The following ANO4 variants were observed in gnomAD, a reference collection of about 807,000 sequenced individuals.
ANO4 encodes anoctamin-4.
Under a neutral mutation model 141.9 loss-of-function variants are expected in ANO4, and 69 were observed. That is an observed-to-expected ratio of 0.49 (90% CI 0.40 to 0.59). ANO4 has a LOEUF of 0.59. Among genes scored for constraint, ANO4 ranks in the 20% least tolerant of loss-of-function variants. The pLI is 0.00. For missense variants in ANO4, 894 were observed against 1,162.2 expected (o/e 0.77, Z 3.36); for synonymous variants, 350 against 394.3 (o/e 0.89, Z 1.33).
intron 14 of ANO4, among the ~76,000 whole-genome samples, chr12:101,074,483 C>G (rs1293077290): frequency 6.6e-6 from 1 of 152,208 alleles, no homozygotes; most frequent in Non-Finnish European, 1.5e-5. Flanking sequence ...GAGAACTATC[C>G]TTTGGTCACA....
intron 25 of ANO4, among the ~76,000 whole-genome samples, chr12:101,118,467 A>C (rs1370177721): frequency 6.6e-6 from 1 of 152,218 alleles, no homozygotes; most frequent in Non-Finnish European, 1.5e-5. Context: ...TTTCTAATTA[A>C]AATCATGTAA....
chr12:100,739,198 C>G (rs1008916774), intron 2 of ANO4, among the ~76,000 whole-genome samples: 3 of 150,400 alleles, frequency 2.0e-5, no homozygotes, highest in Non-Finnish European at 4.4e-5. Flanking sequence ...TAAGTGAGAT[C>G]ATAAACTTAT....
intron 1 of ANO4, among the ~76,000 whole-genome samples, chr12:100,816,950 T>C (rs893091026): frequency 6.7e-6 from 1 of 150,172 alleles, no homozygotes; most frequent in African/African-American, 2.5e-5. Flanking sequence ...TTTATTTTTT[T>C]AAAAAATAGA....
At chr12:100,970,210 C>T (rs889914302) in intron 5 of ANO4, among the ~76,000 whole-genome samples, 3 of 152,080 alleles carry the variant, frequency 2.0e-5, no homozygotes, top group African/African-American at 7.2e-5. Context: ...TGACTGAGAA[C>T]ATTCCTTCTT....
intron 2 of ANO4, among the ~76,000 whole-genome samples, chr12:100,919,787 A>C (rs1450836257): frequency 7.1e-6 from 1 of 140,658 alleles, no homozygotes; most frequent in African/African-American, 2.6e-5. Flanking sequence ...TATCTAATCT[A>C]TCTGTCTATA....
chr12:100,932,102 G>C (rs570190369), intron 3 of ANO4, among the ~76,000 whole-genome samples: 1 of 151,568 alleles, frequency 6.6e-6, no homozygotes, highest in African/African-American at 2.4e-5. Context: ...ATGAACTGGC[G>C]CTCTAGAGAA....
chr12:100,928,185 G>T (rs11110586), intron 3 of ANO4, among the ~76,000 whole-genome samples: 1 of 150,090 alleles, frequency 6.7e-6, no homozygotes, highest in Admixed American at 6.7e-5. Context: ...GAGCGGGGCC[G>T]GGGGGGCTGG....
intron 5 of ANO4, among the ~76,000 whole-genome samples, chr12:100,942,742 T>G (rs1352620899): frequency 6.6e-6 from 1 of 152,210 alleles, no homozygotes; most frequent in Admixed American, 6.5e-5. Flanking sequence ...AATGATTCCA[T>G]GAAAATCAAA....
chr12:100,881,522 T>C (rs935725490), intron 1 of ANO4, among the ~76,000 whole-genome samples: 15 of 152,104 alleles, frequency 9.9e-5, no homozygotes, highest in Admixed American at 2.0e-4. Flanking sequence ...GGATTTTCAT[T>C]TAGGTTTTTC....
At chr12:100,724,775 G>A (rs1231487892) in intron 1 of ANO4, among the ~76,000 whole-genome samples, 6 of 152,184 alleles carry the variant, frequency 3.9e-5, no homozygotes, top group East Asian at 3.9e-4. Context: ...GAGGTTAGGT[G>A]AGGAGATAGA....
intron 3 of ANO4, among the ~76,000 whole-genome samples, chr12:100,929,481 G>T (rs997820394): frequency 6.6e-6 from 1 of 152,144 alleles, no homozygotes; most frequent in Non-Finnish European, 1.5e-5. Flanking sequence ...ACTGCATTGT[G>T]TATATGTACC....
chr12:100,805,232 C>T (rs1796783704), intron 1 of ANO4, among the ~76,000 whole-genome samples: 2 of 152,224 alleles, frequency 1.3e-5, no homozygotes, highest in South Asian at 4.2e-4. Flanking sequence ...TAGTGTTTGT[C>T]AGGTTTTTTC....
At chr12:100,803,456 C>T (rs1363287090) in intron 1 of ANO4, among the ~76,000 whole-genome samples, 3 of 152,094 alleles carry the variant, frequency 2.0e-5, no homozygotes, top group Non-Finnish European at 2.9e-5. Context: ...AATGGTGCCT[C>T]GAGATAAAAA....
chr12:100,949,580 C>G (rs970054500), intron 5 of ANO4, among the ~76,000 whole-genome samples: 1 of 151,996 alleles, frequency 6.6e-6, no homozygotes, highest in Non-Finnish European at 1.5e-5. Flanking sequence ...CGTGTTAACA[C>G]TTTTATTTTG....
chr12:100,748,662 A>G (rs1453557937), intron 3 of ANO4, among the ~76,000 whole-genome samples: 1 of 152,234 alleles, frequency 6.6e-6, no homozygotes, highest in African/African-American at 2.4e-5. Context: ...ATTCACAAGT[A>G]AAGTGATGAT....
chr12:100,740,963 GTTTGCTGACTGC>G (rs1375176266), intron 3 of ANO4, among the ~76,000 whole-genome samples: 1 of 152,148 alleles, frequency 6.6e-6, no homozygotes, highest in Admixed American at 6.6e-5. Context: ...TATAGAAAAT[GTTTGCTGACTGC>G]TGATCTATGT....
intron 2 of ANO4, among the ~76,000 whole-genome samples, chr12:100,738,270 A>G (rs1235404013): frequency 2.0e-5 from 3 of 152,090 alleles, no homozygotes; most frequent in South Asian, 2.1e-4. Flanking sequence ...TGACATTTCT[A>G]TTCTTTGCCC....
intron 26 of ANO4, among the ~76,000 whole-genome samples, chr12:101,121,865 T>C (rs1223860847): frequency 6.7e-6 from 1 of 150,274 alleles, no homozygotes. Context: ...CAGGTTCAAG[T>C]AATTCTCTGC....
chr12:101,026,380 A>T (rs1167867631), intron 9 of ANO4, among the ~76,000 whole-genome samples: 1 of 152,216 alleles, frequency 6.6e-6, no homozygotes, highest in African/African-American at 2.4e-5. Context: ...TAAATTTAAG[A>T]AGACCCAATA....
Sources: allele counts gnomAD v4.1 joint callset (sites outside exome capture counted in the v4.1 genomes callset), GRCh38; gene constraint gnomAD v4.1.1; transcripts MANE v1.5; gene names NCBI Gene and HGNC (gene_info 2026-07-23, HGNC 2026-07-21).